The following ATR variants were observed in gnomAD, a reference collection of about 807,000 sequenced individuals.
ATR encodes the protein serine/threonine-protein kinase ATR.
ATR carries 142 observed loss-of-function variants against 305.3 expected under a neutral mutation model. That is an observed-to-expected ratio of 0.47 (90% confidence interval 0.41 to 0.53). The LOEUF (loss-of-function observed/expected upper bound fraction) is 0.53. Among genes scored for constraint, ATR ranks in the 20% least tolerant of loss-of-function variants. The pLI, the probability that ATR is intolerant of heterozygous loss-of-function variation, is 0.00. For missense variants in ATR, 2,135 were observed against 3,133.1 expected, an observed-to-expected ratio of 0.68 and a Z score of 7.60; for synonymous variants, 1,050 against 1,068.1, an observed-to-expected ratio of 0.98 and a Z score of 0.33.
chr3:142,549,018 T>C (rs552132784), intron 15 of ATR, among the ~76,000 whole-genome samples: 15 of 152,030 alleles, frequency 9.9e-5, no homozygotes, highest in African/African-American at 3.6e-4. Flanking sequence ...GATATTTTGT[T>C]AATATGACAC....
chr3:142,457,933 T>C (rs2070941923), intron 44 of ATR, 178 bp from the exon 45 acceptor site: 1 of 681,366 alleles, frequency 1.5e-6, no homozygotes, highest in Non-Finnish European at 2.4e-6. Context: ...CCTTTGCTTT[T>C]ACAGAACTGA....
chr3:142,473,764 T>C (rs2071360129), intron 36 of ATR, among the ~76,000 whole-genome samples: 1 of 151,976 alleles, frequency 6.6e-6, no homozygotes, highest in South Asian at 2.1e-4. Flanking sequence ...CTGGCTGATC[T>C]TGAACTCCTG....
Position 142,485,264 on chromosome 3 carries a change from G to A in ATR, c.6097C>T (p.Pro2033Ser), listed in dbSNP as rs746541119. The change falls in exon 36 of 47, where the codon CCA becomes TCA. Residue 2033 changes from proline (P) to serine (S), a missense_variant. Physicochemically the swap from Pro to Ser is moderately conservative, Grantham distance 74. Coordinates refer to ENST00000350721, the MANE Select transcript of ATR (RefSeq NM_001184.4). ...KKYKDVTACLPEWEDGHFYLA... is the reference protein window; with the variant it reads ...KKYKDVTACLSEWEDGHFYLA... ...TAAAAATGCCCATCCTCCCATTCTG[G>A]CAGGCACGCGGTCACATCCTATAAA... The A allele has an allele frequency of 6.2e-7, 1 of 1,613,940 alleles. No homozygotes were observed. The highest frequency in any genetic ancestry group is 1.7e-5 in the Admixed American group (1 of 59,982).
chr3:142,556,181 T>G (rs753733403), intron 9 of ATR, 42 bp from the exon 10 acceptor site: 1 of 1,606,256 alleles, frequency 6.2e-7, no homozygotes, highest in Non-Finnish European at 8.5e-7. Context: ...TCTTGCCTAA[T>G]TTTGTGGTCT....
intron 45 of ATR, among the ~76,000 whole-genome samples, chr3:142,454,436 GCTT>G (rs1331946435): frequency 7.5e-6 from 1 of 133,556 alleles, no homozygotes; most frequent in African/African-American, 3.3e-5. Context: ...CTGATAGACA[GCTT>G]TTTTTTTTTT....
At chr3:142,545,754 C>T (rs1308837052) in intron 16 of ATR, among the ~76,000 whole-genome samples, 1 of 151,962 alleles carries the variant, frequency 6.6e-6, no homozygotes, top group Non-Finnish European at 1.5e-5. Context: ...TTTGGAGAGA[C>T]TTGATAGGAT....
intron 24 of ATR, among the ~76,000 whole-genome samples, chr3:142,518,237 T>C (rs1489825501): frequency 1.3e-5 from 2 of 152,228 alleles, no homozygotes; most frequent in Non-Finnish European, 2.9e-5. Flanking sequence ...ATAATGCTAA[T>C]AGTGGCCAGG....
At chr3:142,578,518 C>T in intron 1 of ATR, 128 bp downstream of exon 1, 1 of 1,130,222 alleles carries the variant, frequency 8.8e-7, no homozygotes, top group Non-Finnish European at 1.2e-6. Context: ...CACGGAGCAT[C>T]TCCACAAGGG....
At chr3:142,465,904 G>T in intron 40 of ATR, 1 of 203,334 alleles carries the variant, frequency 4.9e-6, no homozygotes, top group Non-Finnish European at 1.0e-5. Flanking sequence ...TACTCAGGAG[G>T]CTGAGGTGAG....
At chr3:142,535,310 C>T in intron 20 of ATR, 105 bp from the exon 21 acceptor site, 1 of 1,318,784 alleles carries the variant, frequency 7.6e-7, no homozygotes, top group East Asian at 2.4e-5. Context: ...TATACCAAAC[C>T]AATTTTTTAA....
intron 8 of ATR, 30 bp from the exon 9 acceptor site, chr3:142,556,605 T>G (rs1016104315): frequency 1.3e-6 from 2 of 1,599,288 alleles, no homozygotes; most frequent in Admixed American, 1.7e-5. Context: ...TAAACAAGAT[T>G]TCTACTAATG....
chr3:142,528,263 G>C (rs1401726006), intron 21 of ATR, among the ~76,000 whole-genome samples: 4 of 152,024 alleles, frequency 2.6e-5, no homozygotes, highest in African/African-American at 9.7e-5. Flanking sequence ...GATCTTCTAC[G>C]TATTTATCTA....
At chr3:142,577,458 G>A (rs750280809) in intron 1 of ATR, among the ~76,000 whole-genome samples, 16 of 152,164 alleles carry the variant, frequency 1.1e-4, no homozygotes, top group Non-Finnish European at 1.6e-4. Flanking sequence ...AGAGGTAGAG[G>A]TTATTTTATA....
intron 45 of ATR, among the ~76,000 whole-genome samples, chr3:142,454,854 C>A (rs1239379578): frequency 6.6e-6 from 1 of 152,172 alleles, no homozygotes; most frequent in African/African-American, 2.4e-5. Context: ...GACTGCTCTA[C>A]CCCTAAGATC....
intron 35 of ATR, among the ~76,000 whole-genome samples, chr3:142,491,682 C>T (rs1339369616): frequency 1.3e-5 from 2 of 152,182 alleles, no homozygotes; most frequent in Non-Finnish European, 2.9e-5. Context: ...TCTTAGGTGG[C>T]ATGACATCTT....
chr3:142,539,406 A>C (rs960076464), intron 18 of ATR, among the ~76,000 whole-genome samples: 1 of 152,196 alleles, frequency 6.6e-6, no homozygotes, highest in Non-Finnish European at 1.5e-5. Flanking sequence ...ATAGATGCCA[A>C]CTTGAAGGGA....
intron 34 of ATR, among the ~76,000 whole-genome samples, chr3:142,493,862 C>T (rs894079245): frequency 1.4e-5 from 2 of 146,298 alleles, no homozygotes; most frequent in African/African-American, 5.0e-5. Flanking sequence ...GCAAGATCCT[C>T]TCTCTTAAAA....
chr3:142,470,155 AT>A lies in ATR; in HGVS notation c.6249del (p.Tyr2084IlefsTer8). On this transcript the variant is annotated frameshift_variant, in exon 37 of 47. Transcript: ENST00000350721. LOFTEE classifies it high-confidence loss of function. The part of the protein sequence containing the change: ...GRSLQYGNQF[I>X]YQSMPRMLTL... The stretch of plus-strand genomic sequence containing the variant: ...GTTAACATTCGTGGCATTGACTGAT[AT>A]ATGAACTGATTTCCATATTGTAGAG... 3.1e-6 allele frequency: 5 copies of A among 1,609,134 alleles called. No individual in the cohort carries two copies. The highest frequency in any genetic ancestry group is 4.2e-6 in the Non-Finnish European group (5 of 1,176,580).
Position 142,452,063 on chromosome 3 carries a change from G to T in ATR, c.7761+1065C>A. The stretch of plus-strand genomic sequence containing the variant: ...TCTCACCCTACAGATGAAGATAATA[G>T]AGCAAGAAAAAGAAATTTTTCTTTT... On this transcript the variant is annotated intron_variant, in intron 46 of 46. Transcript: ENST00000350721. 3 of 1,017,940 alleles carry T rather than the reference G, an allele frequency of 2.9e-6. No homozygotes were observed. In the South Asian group the frequency reaches 1.2e-4, roughly 40 times the overall value. The allele number at this position is 1,017,940 out of a possible 1,614,324, so 63.1% of individuals were successfully genotyped here.
Sources: gnomAD v4.1 joint callset for allele counts (sites outside exome capture counted in the v4.1 genomes callset) on GRCh38, gnomAD v4.1.1 for gene constraint, MANE v1.5 for transcripts, NCBI Gene and HGNC (gene_info 2026-07-23, HGNC 2026-07-21) for gene names.